Variants in GAPVD1 observed in about 807,000 individuals in gnomAD.
The protein encoded by GAPVD1 is GTPase-activating protein and VPS9 domain-containing protein 1.
Under a neutral mutation model 155.5 loss-of-function variants are expected in GAPVD1, and 35 were observed. The observed-to-expected ratio is 0.23, with a 90% CI of 0.17 to 0.30. GAPVD1 has a LOEUF of 0.30. GAPVD1 is among the 10% of genes least tolerant of loss of function. GAPVD1 has a pLI of 1.00. For missense variants in GAPVD1, 1,429 were observed against 1,775.7 expected, an observed-to-expected ratio of 0.80 and a Z score of 3.51; for synonymous variants, 636 against 619.7, an observed-to-expected ratio of 1.03 and a Z score of -0.39.
intron 2 of GAPVD1, among the ~76,000 whole-genome samples, chr9:125,289,355 ATAGT>A (rs1838231907): frequency 6.6e-6 from 1 of 151,874 alleles, no homozygotes; most frequent in South Asian, 2.1e-4. Context: ...AGACTGAAGC[ATAGT>A]TAGTTAGGAA....
In GAPVD1 at chr9:125,337,465, C is replaced by G; in HGVS notation, c.2751C>G (p.Ser917Arg). The G allele has an allele frequency of 1.2e-6, 2 of 1,614,214 alleles. No homozygotes were observed. The highest frequency in any genetic ancestry group is 1.3e-5 in the African/African-American group (1 of 75,042). Residue 917 changes from serine to arginine, a missense_variant, in exon 17 of 28, where the codon AGC (serine) becomes AGG (arginine). Coordinates refer to ENST00000297933, the MANE Select transcript of GAPVD1 (RefSeq NM_001282680.3). ...TCCGGAGACCCATGAGTGACCCCAG[C>G]TGGAACCGGCGTCCAGGAAATGAAG... ...SSVRRPMSDP[S>R]WNRRPGNEER...
In GAPVD1 at chr9:125,363,772, C is replaced by G. The variant is rs923820697; in HGVS notation, c.*1026C>G. On this transcript the variant is annotated 3_prime_UTR_variant, in exon 28 of 28. Coordinates refer to ENST00000297933, the MANE Select transcript of GAPVD1 (RefSeq NM_001282680.3). The stretch of plus-strand genomic sequence containing the variant: ...AAAAAACTAATTTGTATTGTCTGCT[C>G]TAGTGATACAAGTTTTACTAGTGAT... The G allele has an allele frequency of 6.6e-6, 1 of 152,602 alleles. No homozygotes were observed. The highest frequency in any genetic ancestry group is 3.2e-3 in the Middle Eastern group (1 of 316). 9.5% of individuals were successfully genotyped at this position (152,602 alleles called of 1,614,324 possible).
chr9:125,366,108 G>C lies in GAPVD1; in HGVS notation c.*3362G>C, dbSNP rs1270087236. 3 of 152,176 alleles carry C rather than the reference G, an allele frequency of 2.0e-5. No homozygotes were observed. The highest frequency in any genetic ancestry group is 1.3e-4 in the Admixed American group (2 of 15,284). 9.4% of individuals were successfully genotyped at this position (152,176 alleles called of 1,614,324 possible). ...TTAAATCGCTGTAGTAGGAGGCTCA[G>C]GTTTTCTAAGGGATTGCAAATGTGC... On this transcript the variant is annotated 3_prime_UTR_variant, in exon 28 of 28. Transcript: ENST00000297933.
At chr9:125,339,119 G>A (rs1331987651) in intron 17 of GAPVD1, among the ~76,000 whole-genome samples, 1 of 152,050 alleles carries the variant, frequency 6.6e-6, no homozygotes, top group African/African-American at 2.4e-5. Flanking sequence ...GTAGTTGGGA[G>A]TATAGGCATG....
intron 12 of GAPVD1, 79 bp downstream of exon 12, chr9:125,326,668 G>A: frequency 1.0e-6 from 1 of 962,848 alleles, no homozygotes; most frequent in Middle Eastern, 2.1e-4. Context: ...GGGAGCACCA[G>A]TGCCCTGACA....
In GAPVD1 at chr9:125,365,868, G is replaced by C. The variant is rs975027086; in HGVS notation, c.*3122G>C. 2.0e-4 allele frequency: 30 copies of C among 152,182 alleles called. No individual in the cohort carries two copies. Among genetic ancestry groups the C allele is most frequent in the African/African-American group, 6.8e-4 (28 of 41,420 alleles). The allele number at this position is 152,182 out of a possible 1,614,324, so 9.4% of individuals were successfully genotyped here. A position where few individuals can be genotyped will look rare whatever the true frequency, so the allele number is the denominator to read the frequency against. On this transcript the variant is annotated 3_prime_UTR_variant, in exon 28 of 28. Transcript: ENST00000297933. ...TGGCCAGGCTGGTCTCGAACTCCTG[G>C]CCTCAAGTGATCCGCCTACCTCGGC...
chr9:125,263,601 C>T (rs1035095400), intron 1 of GAPVD1: 42 of 1,427,764 alleles, frequency 2.9e-5, no homozygotes, highest in Middle Eastern at 2.4e-4. Context: ...TGGCTGACCA[C>T]GTCCACGACC....
intron 9 of GAPVD1, among the ~76,000 whole-genome samples, chr9:125,317,408 C>T (rs1365914301): frequency 1.3e-5 from 2 of 150,622 alleles, no homozygotes; most frequent in Admixed American, 1.3e-4. Context: ...GGTGGATCAC[C>T]TGAAGTTGGG....
chr9:125,264,890 G>A (rs1480322038), intron 1 of GAPVD1, among the ~76,000 whole-genome samples: 1 of 151,726 alleles, frequency 6.6e-6, no homozygotes, highest in Non-Finnish European at 1.5e-5. Flanking sequence ...GCTAATTTTT[G>A]TATTTTTAGT....
intron 8 of GAPVD1, among the ~76,000 whole-genome samples, chr9:125,309,515 G>C (rs990210600): frequency 4.0e-5 from 6 of 151,844 alleles, no homozygotes; most frequent in Admixed American, 3.9e-4. Context: ...TTATATTTTT[G>C]GTAGAGACAG....
chr9:125,277,230 G>A (rs1835931687), intron 2 of GAPVD1, among the ~76,000 whole-genome samples: 1 of 152,196 alleles, frequency 6.6e-6, no homozygotes, highest in Non-Finnish European at 1.5e-5. Context: ...ACTGTGCTAA[G>A]TAATGGGGAT....
In GAPVD1 at chr9:125,337,907, A is replaced by G. The variant is rs575899262; in HGVS notation, c.2877+316A>G. 7.2e-5 allele frequency among the ~76,000 whole-genome samples: 11 copies of G among 152,174 alleles called. 1 individual carries two copies. In the South Asian group the frequency reaches 2.3e-3, roughly 32 times the overall value. ...TTTTTGTTTTTTGAGATGGAGTCAC[A>G]CTCTGTTGCCCAGGCTAGAGTACAG... On this transcript the variant is annotated intron_variant, in intron 17 of 27. Coordinates refer to ENST00000297933, the MANE Select transcript of GAPVD1 (RefSeq NM_001282680.3).
intron 8 of GAPVD1, 117 bp downstream of exon 8, chr9:125,307,997 T>C (rs1842116413): frequency 2.8e-6 from 2 of 714,266 alleles, no homozygotes; most frequent in South Asian, 1.6e-5. Flanking sequence ...TTTCTCTTCA[T>C]GTTTACTGAT....
chr9:125,340,055 C>T (rs1384963843), intron 17 of GAPVD1, among the ~76,000 whole-genome samples: 1 of 152,214 alleles, frequency 6.6e-6, no homozygotes, highest in East Asian at 1.9e-4. Flanking sequence ...GAGTCTCACT[C>T]TGTCGCCCAG....
intron 17 of GAPVD1, among the ~76,000 whole-genome samples, chr9:125,339,124 G>A (rs1362660870): frequency 6.6e-6 from 1 of 152,114 alleles, no homozygotes; most frequent in Non-Finnish European, 1.5e-5. Flanking sequence ...TGGGAGTATA[G>A]GCATGCACCA....
intron 12 of GAPVD1, among the ~76,000 whole-genome samples, chr9:125,327,133 G>A (rs1413460009): frequency 6.6e-6 from 1 of 151,166 alleles, no homozygotes; most frequent in Non-Finnish European, 1.5e-5. Context: ...ATAGAGACAG[G>A]ATTTCGCTTT....
intron 2 of GAPVD1, among the ~76,000 whole-genome samples, chr9:125,290,197 G>C (rs911120655): frequency 2.0e-5 from 3 of 152,030 alleles, no homozygotes; most frequent in Non-Finnish European, 4.4e-5. Flanking sequence ...TAAAGGGAAG[G>C]AGAAAAAATG....
chr9:125,316,026 A>C (rs1843367940), intron 9 of GAPVD1, among the ~76,000 whole-genome samples: 2 of 152,160 alleles, frequency 1.3e-5, no homozygotes, highest in Admixed American at 6.6e-5. Context: ...AAATCTGCCA[A>C]ATCACGTGCT....
chr9:125,348,487 G>A (rs529512763), intron 20 of GAPVD1, among the ~76,000 whole-genome samples: 1 of 152,070 alleles, frequency 6.6e-6, no homozygotes, highest in Admixed American at 6.6e-5. Flanking sequence ...TTGTATACAT[G>A]TATGTGTTGT....
Sources: allele counts gnomAD v4.1 joint callset (sites outside exome capture counted in the v4.1 genomes callset), GRCh38; gene constraint gnomAD v4.1.1; transcripts MANE v1.5; gene names NCBI Gene and HGNC (gene_info 2026-07-23, HGNC 2026-07-21).